The following BPIFB2 variants were observed in gnomAD, a reference collection of about 807,000 sequenced individuals.
BPIFB2 encodes the protein BPI fold containing family B member 2.
Under a neutral mutation model 50.1 loss-of-function variants are expected in BPIFB2, and 39 were observed. The observed-to-expected ratio is 0.78, with a 90% CI of 0.60 to 1.02. BPIFB2 has a LOEUF of 1.02. Among genes scored for constraint, BPIFB2 ranks in the 50% least tolerant of loss-of-function variants. BPIFB2 has a pLI of 0.00. For missense variants in BPIFB2, 574 were observed against 585.8 expected, an observed-to-expected ratio of 0.98 and a Z score of 0.21; for synonymous variants, 280 against 256.3, an observed-to-expected ratio of 1.09 and a Z score of -0.88.
chr20:33,013,865 G>A lies in BPIFB2; in HGVS notation c.364G>A (p.Val122Met), dbSNP rs749996775. Residue 122 changes from valine to methionine, a missense_variant, in exon 5 of 16, where the codon GTG becomes ATG. Val to Met is a conservative substitution (Grantham distance 21). Transcript: ENST00000170150. ...LPVELLADTR[V>M]TQSSIRTPVV... ...TGTGGAACTGCTGGCTGACACCCGC[G>A]TGACCCAGAGCTCCATCAGGACCCC... The A allele has an allele frequency of 2.1e-5, 34 of 1,614,116 alleles. No homozygotes were observed. In the South Asian group the frequency reaches 3.1e-4, roughly 15 times the overall value.
chr20:33,015,604 A>G, intron 6 of BPIFB2, 108 bp downstream of exon 6: 2 of 1,010,590 alleles, frequency 2.0e-6, no homozygotes, highest in Non-Finnish European at 2.8e-6. Context: ...GGGATTAAAA[A>G]AAAAAAAAAG....
rs1274796020 is a variant in BPIFB2 at position 33,022,977 on chromosome 20, G to A, written c.1336-365G>A. ...ATCGGCAGCCCTCCAGAATGCTCCT[G>A]CAGTGGAGTGTAGCATAGGGGAGCT... On this transcript the variant is annotated intron_variant, in intron 15 of 15. Coordinates refer to ENST00000170150, the MANE Select transcript of BPIFB2 (RefSeq NM_025227.3). Among the ~76,000 whole-genome samples, 11 of 152,284 alleles carry A rather than the reference G, an allele frequency of 7.2e-5. No individual in the cohort carries two copies. In the East Asian group the frequency reaches 2.1e-3, roughly 29 times the overall value.
chr20:33,013,637 A>T (rs1234148181), intron 4 of BPIFB2, among the ~76,000 whole-genome samples, 173 bp from the exon 5 acceptor site: 2 of 152,160 alleles, frequency 1.3e-5, no homozygotes, highest in African/African-American at 4.8e-5. Context: ...TGGAGTCTTG[A>T]GGCTGGGGGC....
intron 5 of BPIFB2, among the ~76,000 whole-genome samples, chr20:33,015,177 G>T (rs776898216): frequency 6.6e-6 from 1 of 152,136 alleles, no homozygotes; most frequent in African/African-American, 2.4e-5. Flanking sequence ...CTTTTGCAAC[G>T]CCCTCTCTGT....
chr20:33,010,533 G>A (rs138780609), intron 2 of BPIFB2, among the ~76,000 whole-genome samples: 16 of 152,302 alleles, frequency 1.1e-4, no homozygotes, highest in African/African-American at 3.9e-4. Context: ...GTAGCAGTGA[G>A]CACTGCGGTT....
chr20:33,016,969 C>A, intron 6 of BPIFB2, 73 bp from the exon 7 acceptor site: 1 of 1,385,768 alleles, frequency 7.2e-7, no homozygotes, highest in South Asian at 1.2e-5. Flanking sequence ...GGACTCTAGA[C>A]CCCTCTCAGC....
chr20:33,009,909 AC>A lies in BPIFB2; in HGVS notation c.110-1112del, dbSNP rs2146348603. Among the ~76,000 whole-genome samples the A allele has an allele frequency of 6.6e-6, 1 of 152,240 alleles. No individual in the cohort carries two copies. The highest frequency in any genetic ancestry group is 1.9e-4 in the East Asian group (1 of 5,186). ...CCATCCTGCAAGCCCCAGAGTTCAA[AC>A]CCTGCGTCAAGGGAGCACTGTAGAT... is the stretch of plus-strand genomic sequence containing the variant. On this transcript the variant is annotated intron_variant, in intron 2 of 15. Transcript: ENST00000170150. The surrounding 1 kb of genome is among the most constrained non-coding windows in gnomAD (Gnocchi z 4.2).
chr20:33,022,569 A>G (rs1369136896), intron 15 of BPIFB2, among the ~76,000 whole-genome samples: 1 of 152,244 alleles, frequency 6.6e-6, no homozygotes, highest in East Asian at 1.9e-4. Context: ...CCACTGGGTC[A>G]GAGGTGAAAA....
In BPIFB2 at chr20:33,023,342, G is replaced by C. The variant is rs780558629; in HGVS notation, c.1336G>C (p.Gly446Arg). The C allele has an allele frequency of 6.2e-7, 1 of 1,613,690 alleles. No homozygotes were observed. Among genetic ancestry groups the C allele is most frequent in the African/African-American group, 1.3e-5 (1 of 74,896 alleles). The change falls in exon 16 of 16, where the codon GGC becomes CGC. Residue 446 changes from glycine (G) to arginine (R), a missense_variant and splice_region_variant. Coordinates refer to ENST00000170150, the MANE Select transcript of BPIFB2 (RefSeq NM_025227.3). Reference protein sequence around the residue: ...YVAPEIFVYEGYVVISSGLFY... With the variant: ...YVAPEIFVYERYVVISSGLFY... Reference sequence around the variant, plus strand: ...GTCCATGGTTTCCTTTGCCCTTCAGGGCTACGTGGTGATATCCAGTGGACT... The same window carrying C: ...GTCCATGGTTTCCTTTGCCCTTCAGCGCTACGTGGTGATATCCAGTGGACT...
At chr20:33,021,085 G>T (rs775314786) in intron 13 of BPIFB2, among the ~76,000 whole-genome samples, 196 bp from the exon 14 acceptor site, 2 of 152,220 alleles carry the variant, frequency 1.3e-5, no homozygotes, top group Non-Finnish European at 2.9e-5. Context: ...TGCGAAGGCT[G>T]AGCCAACCAT....
chr20:33,018,968 G>T, intron 9 of BPIFB2, 94 bp from the exon 10 acceptor site: 4 of 1,588,964 alleles, frequency 2.5e-6, no homozygotes, highest in Non-Finnish European at 3.5e-6. Flanking sequence ...GTTAAACGGG[G>T]GCTATGGGGA....
chr20:33,019,179 T>C, intron 10 of BPIFB2, 64 bp downstream of exon 10: 1 of 1,579,912 alleles, frequency 6.3e-7, no homozygotes, highest in Non-Finnish European at 8.7e-7. Context: ...GTTCTCTGGG[T>C]CATGGGATCT....
intron 13 of BPIFB2, 145 bp from the exon 14 acceptor site, chr20:33,021,136 G>A: frequency 2.3e-6 from 2 of 884,436 alleles, no homozygotes; most frequent in South Asian, 3.2e-5. Flanking sequence ...GGACATGGGT[G>A]ATCTGCCTTC....
In BPIFB2 at chr20:33,018,832, C is replaced by T. The variant is rs763662964; in HGVS notation, c.855+10C>T. On this transcript the variant is annotated intron_variant, in intron 9 of 15. Transcript: ENST00000170150. ...CATCACAGGGCAGCTGGTGAGGGCCCGACCTGCAGCCCAGGGCCTGTGGGG... is the reference window on the plus strand; with the variant it reads ...CATCACAGGGCAGCTGGTGAGGGCCTGACCTGCAGCCCAGGGCCTGTGGGG... 51 of 1,606,716 alleles carry T rather than the reference C, an allele frequency of 3.2e-5. 1 individual carries two copies. The highest frequency in any genetic ancestry group is 1.9e-4 in the Middle Eastern group (1 of 5,328).
intron 11 of BPIFB2, 75 bp from the exon 12 acceptor site, chr20:33,020,253 T>C (rs923339773): frequency 3.5e-6 from 5 of 1,415,004 alleles, no homozygotes; most frequent in Admixed American, 1.7e-5. Flanking sequence ...AGTCGGGGGA[T>C]GGGTGGGAGG....
Position 33,019,569 on chromosome 20 carries a change from T to C in BPIFB2, c.910-11T>C. 6.3e-7 allele frequency: 1 copy of C among 1,576,046 alleles called. No individual in the cohort carries two copies. On this transcript the variant is annotated splice_polypyrimidine_tract_variant and intron_variant, in intron 10 of 15. Transcript: ENST00000170150. Reference sequence around the variant, plus strand: ...GCCTCAGCAGGGCCTCCTCCGCCTCTGCCTCCCCAGGTGGCCCGCCAGTTT... The same window carrying C: ...GCCTCAGCAGGGCCTCCTCCGCCTCCGCCTCCCCAGGTGGCCCGCCAGTTT...
chr20:33,019,158 C>T, intron 10 of BPIFB2, 43 bp downstream of exon 10: 2 of 1,612,006 alleles, frequency 1.2e-6, no homozygotes, highest in Middle Eastern at 1.7e-4. Context: ...AGACAAGGGA[C>T]TGGGGTGGGG....
chr20:33,018,151 TG>T, intron 7 of BPIFB2, 107 bp from the exon 8 acceptor site: 1 of 857,226 alleles, frequency 1.2e-6, no homozygotes, highest in Non-Finnish European at 1.8e-6. Context: ...GGCCTGGCTC[TG>T]GCTAATCAGG....
intron 11 of BPIFB2, 144 bp from the exon 12 acceptor site, chr20:33,020,184 A>G (rs1600515767): frequency 3.9e-6 from 3 of 761,534 alleles, no homozygotes; most frequent in Non-Finnish European, 6.5e-6. Context: ...GTTGTTGCCA[A>G]CATTCAGCGT....
Sources: allele counts gnomAD v4.1 joint callset (sites outside exome capture counted in the v4.1 genomes callset), GRCh38; gene constraint gnomAD v4.1.1; non-coding constraint Gnocchi (gnomAD v3.1); transcripts MANE v1.5; gene names NCBI Gene and HGNC (gene_info 2026-07-23, HGNC 2026-07-21).